SYT13: variants seen among roughly 807,000 people sequenced by gnomAD.
SYT13 encodes the protein synaptotagmin 13.
SYT13 carries 21 observed loss-of-function variants against 38.6 expected under a neutral mutation model. The ratio of observed to expected loss-of-function variants is 0.54; its 90% CI spans 0.39 to 0.78. SYT13 has a LOEUF of 0.78. Among genes scored for constraint, SYT13 ranks in the 30% least tolerant of loss-of-function variants. The pLI is 0.00. For missense variants in SYT13, 495 were observed against 548.7 expected (o/e 0.90, Z 0.98); for synonymous variants, 241 against 237.6 (o/e 1.01, Z -0.13).
chr11:45,250,764 CA>C (rs781621296), intron 4 of SYT13, among the ~76,000 whole-genome samples: 11 of 152,076 alleles, frequency 7.2e-5, no homozygotes, highest in Non-Finnish European at 1.5e-4. Context: ...GAAATCATAG[CA>C]AAAAGAGGAG....
intron 5 of SYT13, among the ~76,000 whole-genome samples, chr11:45,244,704 T>C (rs895967173): frequency 6.6e-6 from 1 of 152,130 alleles, no homozygotes; most frequent in African/African-American, 2.4e-5. Flanking sequence ...ATTCAACAAA[T>C]ATTAAGTGCC....
In SYT13 at chr11:45,261,896, A is replaced by T. The variant is rs571010211; in HGVS notation, c.184-6005T>A. On this transcript the variant is annotated intron_variant, in intron 1 of 5. Coordinates refer to ENST00000020926, the MANE Select transcript of SYT13 (RefSeq NM_020826.3). The stretch of plus-strand genomic sequence containing the variant: ...ATGCCACTGCACTCCAGCCTAGGTG[A>T]CAGAGCAAGACCTTGTCTCAAAAAA... 7.5e-4 allele frequency among the ~76,000 whole-genome samples: 113 copies of T among 149,930 alleles called. 1 individual carries two copies. In the South Asian group the frequency reaches 0.017, roughly 22 times the overall value.
chr11:45,244,023 T>C lies in SYT13; in HGVS notation c.*29A>G. 1 of 1,570,632 alleles carries C rather than the reference T, an allele frequency of 6.4e-7. No individual in the cohort carries two copies. The highest frequency in any genetic ancestry group is 8.6e-7 in the Non-Finnish European group (1 of 1,162,508). Reference sequence around the variant, plus strand: ...GGTTGCAGAGGACGGGTCAGGGCTGTCCAAGAAGGGAGGCAGCTGGGCAGC... The same window carrying C: ...GGTTGCAGAGGACGGGTCAGGGCTGCCCAAGAAGGGAGGCAGCTGGGCAGC... On this transcript the variant is annotated 3_prime_UTR_variant, in exon 6 of 6. Transcript: ENST00000020926.
intron 4 of SYT13, among the ~76,000 whole-genome samples, chr11:45,251,655 C>T (rs1400637324): frequency 6.6e-6 from 1 of 152,072 alleles, no homozygotes. Flanking sequence ...ATCTTGTAGC[C>T]CTGACCTTCC....
Position 45,252,732 on chromosome 11 carries a change from A to T in SYT13, c.545-10T>A, listed in dbSNP as rs768928912. 1.9e-6 allele frequency: 3 copies of T among 1,561,534 alleles called. No individual in the cohort carries two copies. Among genetic ancestry groups the T allele is most frequent in the African/African-American group, 2.7e-5 (2 of 73,940 alleles). On this transcript the variant is annotated splice_polypyrimidine_tract_variant and intron_variant, in intron 3 of 5. Transcript: ENST00000020926. The surrounding 1 kb of genome is among the most constrained non-coding windows in gnomAD (Gnocchi z 4.3). ...TGGTTGCTGGTCACAGCTGCAGGCA[A>T]GGAGAACAACACAGGCGTGGGACTT...
At chr11:45,263,118 GCC>G (rs1565386757) in intron 1 of SYT13, among the ~76,000 whole-genome samples, 2 of 152,138 alleles carry the variant, frequency 1.3e-5, no homozygotes, top group African/African-American at 2.4e-5. Flanking sequence ...CTCCGGCTCT[GCC>G]TCCAGTAATA....
chr11:45,254,196 C>G (rs1854713724), intron 3 of SYT13, 74 bp downstream of exon 3: 1 of 1,489,334 alleles, frequency 6.7e-7, no homozygotes, highest in Admixed American at 2.2e-5. Context: ...TGCAGATGAT[C>G]CCATCCTGCC....
In SYT13 at chr11:45,241,103, A is replaced by G. The variant is rs920308634; in HGVS notation, c.*2949T>C. The stretch of plus-strand genomic sequence containing the variant: ...GTTGATTACATTTACATGGAGAGCA[A>G]TGAGTTGCCATTAGGCAAATAGTAA... On this transcript the variant is annotated 3_prime_UTR_variant, in exon 6 of 6. Transcript: ENST00000020926. 6.6e-6 allele frequency: 1 copy of G among 152,232 alleles called. No individual in the cohort carries two copies. The highest frequency in any genetic ancestry group is 1.5e-5 in the Non-Finnish European group (1 of 68,032). The allele number at this position is 152,232 out of a possible 1,614,324, so 9.4% of individuals were successfully genotyped here.
At chr11:45,279,512 A>C (rs1473650666) in intron 1 of SYT13, among the ~76,000 whole-genome samples, 16 of 152,194 alleles carry the variant, frequency 1.1e-4, no homozygotes, top group Non-Finnish European at 4.4e-5. Context: ...ACTTGAGCTC[A>C]GAAGATCGAG....
chr11:45,270,218 A>G (rs1854933507), intron 1 of SYT13, among the ~76,000 whole-genome samples: 1 of 152,224 alleles, frequency 6.6e-6, no homozygotes, highest in African/African-American at 2.4e-5. Flanking sequence ...TGTGTATAGA[A>G]GCATCTCAGC....
At chr11:45,249,502 T>A (rs188811551) in intron 4 of SYT13, among the ~76,000 whole-genome samples, 4 of 152,370 alleles carry the variant, frequency 2.6e-5, no homozygotes, top group Admixed American at 1.3e-4. Flanking sequence ...CCAACCCAAA[T>A]GTCCATCAAT....
At chr11:45,253,672 A>G (rs924113425) in intron 3 of SYT13, among the ~76,000 whole-genome samples, 3 of 152,208 alleles carry the variant, frequency 2.0e-5, no homozygotes, top group African/African-American at 7.2e-5. Context: ...CTTGGCTCTT[A>G]GATTGTAGAA....
intron 1 of SYT13, among the ~76,000 whole-genome samples, chr11:45,268,118 G>A (rs945466639): frequency 1.3e-5 from 2 of 152,140 alleles, no homozygotes; most frequent in Non-Finnish European, 2.9e-5. Flanking sequence ...AGCCCTGCTG[G>A]CAGCTGCCCC....
At chr11:45,251,828 C>T (rs1186708222) in intron 4 of SYT13, among the ~76,000 whole-genome samples, 2 of 152,252 alleles carry the variant, frequency 1.3e-5, no homozygotes, top group Non-Finnish European at 2.9e-5. Context: ...GCATGGACCA[C>T]CGGGCTCTGG....
chr11:45,281,426 G>T (rs1392801136), intron 1 of SYT13, among the ~76,000 whole-genome samples: 1 of 152,104 alleles, frequency 6.6e-6, no homozygotes, highest in Non-Finnish European at 1.5e-5. Flanking sequence ...AGCACTTTGG[G>T]AGGCCGAGGT....
rs1815136406 is a variant in SYT13 at position 45,243,169 on chromosome 11, C to A, written c.*883G>T. On this transcript the variant is annotated 3_prime_UTR_variant, in exon 6 of 6. Transcript: ENST00000020926. ...ACCTGTACTTTGTTAGGGATGGTCT[C>A]CCCAAGGATAATAGAAACTGATTTT... 6.6e-6 allele frequency: 1 copy of A among 152,040 alleles called. No homozygotes were observed. The highest frequency in any genetic ancestry group is 6.6e-5 in the Admixed American group (1 of 15,266). 9.4% of individuals were successfully genotyped at this position (152,040 alleles called of 1,614,324 possible).
rs900368543 is a variant in SYT13 at position 45,241,924 on chromosome 11, A to G, written c.*2128T>C. On this transcript the variant is annotated 3_prime_UTR_variant, in exon 6 of 6. Coordinates refer to ENST00000020926, the MANE Select transcript of SYT13 (RefSeq NM_020826.3). Reference sequence around the variant, plus strand: ...AGTGATGAAGGTTTCCAATTATCCAAAAGACTTCTCATGAAAGAGGGATTC... The same window carrying G: ...AGTGATGAAGGTTTCCAATTATCCAGAAGACTTCTCATGAAAGAGGGATTC... The G allele has an allele frequency of 6.6e-6, 1 of 152,238 alleles. No homozygotes were observed. The highest frequency in any genetic ancestry group is 1.5e-5 in the Non-Finnish European group (1 of 68,054). The allele number at this position is 152,238 out of a possible 1,614,324, so 9.4% of individuals were successfully genotyped here.
At chr11:45,266,566 T>C (rs771823551) in intron 1 of SYT13, among the ~76,000 whole-genome samples, 2 of 151,192 alleles carry the variant, frequency 1.3e-5, no homozygotes, top group Non-Finnish European at 2.9e-5. Context: ...ACAACAGGCA[T>C]TAAGTCCATT....
intron 3 of SYT13, 169 bp downstream of exon 3, chr11:45,254,101 T>G: frequency 4.5e-6 from 3 of 673,308 alleles, no homozygotes; most frequent in Admixed American, 4.0e-5. Flanking sequence ...ACTGTTGGGG[T>G]TGGGAGTGTG....
Sources: gnomAD v4.1 joint callset for allele counts (sites outside exome capture counted in the v4.1 genomes callset) on GRCh38, gnomAD v4.1.1 for gene constraint, Gnocchi (gnomAD v3.1) non-coding constraint, MANE v1.5 for transcripts, NCBI Gene and HGNC (gene_info 2026-07-23, HGNC 2026-07-21) for gene names.